The following NSUN2 variants were observed in gnomAD, a reference collection of about 807,000 sequenced individuals.
NSUN2 encodes the protein NOP2/Sun RNA methyltransferase 2.
In NSUN2, 63 loss-of-function variants were observed where a neutral mutation model predicts 92.7. The observed-to-expected ratio is 0.68, with a 90% CI of 0.56 to 0.84. The LOEUF (loss-of-function observed/expected upper bound fraction) is 0.84, where lower values mean the gene tolerates loss of function less well. Ranked by LOEUF, NSUN2 falls within the 40% of genes least tolerant of loss-of-function variation. The probability of loss-of-function intolerance (pLI) is 0.00; values close to 1 mark genes in which losing one functional copy is unlikely to be tolerated. For synonymous variants in NSUN2, 356 were observed against 348.3 expected (o/e 1.02, Z -0.25); for missense variants, 989 against 964.9 (o/e 1.02, Z -0.33).
chr5:6,631,562 G>C (rs895842198), intron 3 of NSUN2, among the ~76,000 whole-genome samples: 4 of 152,242 alleles, frequency 2.6e-5, no homozygotes, highest in South Asian at 2.1e-4. Flanking sequence ...CAGCCACTCT[G>C]CAACAGTTTT....
Position 6,600,031 on chromosome 5 carries a change from A to G in NSUN2, c.2199T>C (p.Thr733=), listed in dbSNP as rs944868040. 2 of 1,614,216 alleles carry G rather than the reference A, an allele frequency of 1.2e-6. No homozygotes were observed. The highest frequency in any genetic ancestry group is 1.7e-6 in the Non-Finnish European group (2 of 1,180,034). Residue 733 remains threonine, a synonymous_variant, in exon 19 of 19, where the codon ACT becomes ACC. Coordinates refer to ENST00000264670, the MANE Select transcript of NSUN2 (RefSeq NM_017755.6). ...ASTGQPDNDV[T]EGQRAGEPNS... ...TGGGCTCTCCTGCTCTCTGTCCCTC[A>G]GTCACGTCATTGTCTGGCTGTCCGG...
Position 6,606,810 on chromosome 5 carries a change from GAATCCTTACTC to G in NSUN2, c.1600_1601+9del. The G allele has an allele frequency of 6.8e-7, 1 of 1,464,722 alleles. No homozygotes were observed. The highest frequency in any genetic ancestry group is 9.5e-7 in the Non-Finnish European group (1 of 1,048,682). The allele number at this position is 1,464,722 out of a possible 1,614,324, so 90.7% of individuals were successfully genotyped here. A position where few individuals can be genotyped will look rare whatever the true frequency, so the allele number is the denominator to read the frequency against. ...CTTTAAATGAATAATTAAAAAGGCT[GAATCCTTACTC>G]AATAGGTGGAAATAATGGGTCATCT... is the stretch of plus-strand genomic sequence containing the variant. On this transcript the variant is annotated splice_donor_variant and splice_donor_5th_base_variant and coding_sequence_variant and intron_variant, in exon 14 of 19. Coordinates refer to ENST00000264670, the MANE Select transcript of NSUN2 (RefSeq NM_017755.6). LOFTEE classifies it high-confidence loss of function.
At chr5:6,604,473 G>C in intron 16 of NSUN2, 132 bp downstream of exon 16, 1 of 963,738 alleles carries the variant, frequency 1.0e-6, no homozygotes, top group Non-Finnish European at 1.6e-6. Flanking sequence ...TAACCTGTGA[G>C]GGTCAAGTGG....
intron 3 of NSUN2, among the ~76,000 whole-genome samples, chr5:6,628,079 G>A (rs575452083): frequency 6.6e-6 from 1 of 152,332 alleles, no homozygotes; most frequent in Admixed American, 6.5e-5. Flanking sequence ...GAGGTGCAGT[G>A]GCTCATGCCT....
At chr5:6,614,093 C>CGG in intron 9 of NSUN2, among the ~76,000 whole-genome samples, 1 of 38,124 alleles carries the variant, frequency 2.6e-5, no homozygotes. Context: ...GAGACTGTCT[C>CGG]GGAAAAAAAA....
chr5:6,600,109 C>T lies in NSUN2; in HGVS notation c.2121G>A (p.Leu707=), dbSNP rs199654328. 1 of 1,614,170 alleles carries T rather than the reference C, an allele frequency of 6.2e-7. No homozygotes were observed. Among genetic ancestry groups the T allele is most frequent in the East Asian group, 2.2e-5 (1 of 44,886 alleles). The change falls in exon 19 of 19, where the codon TTG becomes TTA. Residue 707 remains leucine, a synonymous_variant. Transcript: ENST00000264670. ...HYLRMMGLEV[L]GEKKKEGVIL... ...TAACCCCTTCCTTCTTCTTTTCTCC[C>T]AATACCTCCAGCCCCATCATCCTGA...
chr5:6,630,153 G>C (rs984864238), intron 3 of NSUN2, among the ~76,000 whole-genome samples: 1 of 152,144 alleles, frequency 6.6e-6, no homozygotes, highest in Non-Finnish European at 1.5e-5. Context: ...CCTCATCTCA[G>C]CAATGCCATA....
intron 3 of NSUN2, among the ~76,000 whole-genome samples, chr5:6,626,681 T>G (rs1737670817): frequency 6.6e-6 from 1 of 152,210 alleles, no homozygotes; most frequent in African/African-American, 2.4e-5. Flanking sequence ...CCTGCACCTA[T>G]ACAGGCATCT....
intron 14 of NSUN2, among the ~76,000 whole-genome samples, chr5:6,606,429 G>A (rs1736773295): frequency 6.6e-6 from 1 of 152,128 alleles, no homozygotes; most frequent in Non-Finnish European, 1.5e-5. Context: ...GACTACAGGT[G>A]CCCGCCACCA....
At position 6,606,911 on chromosome 5, in the gene NSUN2, G is replaced by A. The variant is rs377501138; in HGVS notation, c.1510C>T (p.Pro504Ser). The A allele has an allele frequency of 5.9e-6, 9 of 1,536,316 alleles. No individual in the cohort carries two copies. In the African/African-American group the frequency reaches 8.2e-5, roughly 14 times the overall value. The stretch of plus-strand genomic sequence containing the variant: ...AACTTCATTTTCTTTGATGGAGGAG[G>A]ACTAAAAAGGGAATCAGGATGAGAC... The part of the protein sequence containing the change: ...NGSKKDGVCG[P>S]PPSKKMKLFG... The change falls in exon 14 of 19, where the codon CCT becomes TCT. Residue 504 changes from proline to serine, a missense_variant and splice_region_variant. Transcript: ENST00000264670.
At position 6,604,625 on chromosome 5, in the gene NSUN2, C is replaced by G; in HGVS notation, c.1798G>C (p.Ala600Pro). The G allele has an allele frequency of 1.9e-6, 3 of 1,614,136 alleles. No individual in the cohort carries two copies. The highest frequency in any genetic ancestry group is 2.5e-6 in the Non-Finnish European group (3 of 1,180,006). ...RNNSGEEFDC[A>P]FRLAQEGIYT... is the part of the protein sequence containing the mutation. Reference sequence around the variant, plus strand: ...ATTACCTCCTGTGCCAGCCGGAAAGCACAGTCAAACTCTTCACCGCTGTTA... The same window carrying G: ...ATTACCTCCTGTGCCAGCCGGAAAGGACAGTCAAACTCTTCACCGCTGTTA... Residue 600 changes from alanine (A) to proline (P), a missense_variant, in exon 16 of 19, where the codon GCT becomes CCT. Physicochemically the swap from Ala to Pro is conservative, Grantham distance 27 (BLOSUM62 -1). Transcript: ENST00000264670.
At chr5:6,610,739 G>A (rs1048018100) in intron 11 of NSUN2, among the ~76,000 whole-genome samples, 11 of 150,732 alleles carry the variant, frequency 7.3e-5, no homozygotes, top group Non-Finnish European at 8.8e-5. Context: ...TTAGATTCTA[G>A]CCAATTTCAC....
intron 14 of NSUN2, 67 bp downstream of exon 14, chr5:6,606,753 C>G (rs920899209): frequency 2.2e-5 from 19 of 845,316 alleles, no homozygotes; most frequent in Non-Finnish European, 3.6e-5. Flanking sequence ...TACATGTGAT[C>G]AGTTGTACAT....
chr5:6,623,109 A>T, intron 5 of NSUN2, 105 bp downstream of exon 5: 1 of 889,990 alleles, frequency 1.1e-6, no homozygotes, highest in Non-Finnish European at 1.7e-6. Flanking sequence ...GAAAAGAAGA[A>T]AAAAAGGACT....
intron 3 of NSUN2, among the ~76,000 whole-genome samples, chr5:6,631,566 C>T (rs1737895508): frequency 6.6e-6 from 1 of 152,206 alleles, no homozygotes; most frequent in Non-Finnish European, 1.5e-5. Context: ...CACTCTGCAA[C>T]AGTTTTGATG....
rs16877704 is a variant in NSUN2 at position 6,622,009 on chromosome 5, T to A, written c.622+7A>T. ...CCTACCATTTTGAACACAAGTCCAA[T>A]GCATACCTGGAAAGGGGACATTCAT... is the stretch of plus-strand genomic sequence containing the variant. On this transcript the variant is annotated splice_region_variant and intron_variant, in intron 6 of 18. Transcript: ENST00000264670. 85,024 of 1,611,006 alleles carry A rather than the reference T, an allele frequency of 0.053. 2,670 individuals carry two copies. Among genetic ancestry groups the A allele is most frequent in the Non-Finnish European group, 0.063 (74,224 of 1,177,124 alleles).
intron 9 of NSUN2, among the ~76,000 whole-genome samples, chr5:6,614,129 AC>A (rs10710977): frequency 0.64 from 50,229 of 78,180 alleles, 19,385 homozygotes; most frequent in Middle Eastern, 0.74. Flanking sequence ...AAAACCCACA[AC>A]ACACACATAT....
chr5:6,607,002 G>T, intron 13 of NSUN2, 90 bp from the exon 14 acceptor site: 2 of 920,070 alleles, frequency 2.2e-6, no homozygotes, highest in Non-Finnish European at 3.3e-6. Flanking sequence ...TGTCAGTTCT[G>T]TGCAACATGG....
At chr5:6,610,344 T>A (rs1045142641) in intron 11 of NSUN2, among the ~76,000 whole-genome samples, 1 of 151,834 alleles carries the variant, frequency 6.6e-6, no homozygotes, top group African/African-American at 2.4e-5. Flanking sequence ...CCCAAAGTGC[T>A]GGGGATTACA....
Sources: gnomAD v4.1 joint callset for allele counts (sites outside exome capture counted in the v4.1 genomes callset) on GRCh38, gnomAD v4.1.1 for gene constraint, MANE v1.5 for transcripts, NCBI Gene and HGNC (gene_info 2026-07-23, HGNC 2026-07-21) for gene names.